TULP3: variants seen among roughly 807,000 people sequenced by gnomAD.
TULP3 encodes tubby-related protein 3.
A neutral mutation model predicts 50.7 loss-of-function variants in TULP3; 38 were observed. The ratio of observed to expected loss-of-function variants is 0.75; its 90% CI spans 0.58 to 0.98. TULP3 has a LOEUF of 0.98. TULP3 is among the 50% of genes least tolerant of loss of function. The probability of loss-of-function intolerance (pLI) is 0.00; values close to 1 mark genes in which losing one functional copy is unlikely to be tolerated. For missense variants in TULP3, 550 were observed against 568.0 expected, an observed-to-expected ratio of 0.97 and a Z score of 0.32; for synonymous variants, 183 against 196.6, an observed-to-expected ratio of 0.93 and a Z score of 0.58.
chr12:2,896,173 C>G (rs1177113111), intron 1 of TULP3, among the ~76,000 whole-genome samples: 4 of 152,146 alleles, frequency 2.6e-5, no homozygotes, highest in African/African-American at 9.7e-5. Context: ...CTCCTGACCT[C>G]AAGTGATCCA....
chr12:2,939,622 C>A lies in TULP3; in HGVS notation c.*178C>A. 8.4e-7 allele frequency: 1 copy of A among 1,197,292 alleles called. No individual in the cohort carries two copies. 74.2% of individuals were successfully genotyped at this position (1,197,292 alleles called of 1,614,324 possible). ...ATAGTTTGCCCCTTTTGGAACGACC[C>A]CTGAATATATAAAACACACACACGA... On this transcript the variant is annotated 3_prime_UTR_variant, in exon 11 of 11. Coordinates refer to ENST00000448120, the MANE Select transcript of TULP3 (RefSeq NM_003324.5). This position sits in a 1 kb window ranked among gnomAD's most constrained non-coding sequence, Gnocchi z 4.0.
chr12:2,911,104 A>C (rs373661674), intron 2 of TULP3, among the ~76,000 whole-genome samples: 2 of 151,928 alleles, frequency 1.3e-5, no homozygotes, highest in East Asian at 3.9e-4. Context: ...TTTTTTTTTA[A>C]GGTGGCCCTA....
intron 4 of TULP3, among the ~76,000 whole-genome samples, chr12:2,927,962 T>C (rs1048430535): frequency 6.6e-6 from 1 of 152,194 alleles, no homozygotes; most frequent in Non-Finnish European, 1.5e-5. Context: ...CTCCCACATA[T>C]AAATCTGAGG....
intron 2 of TULP3, among the ~76,000 whole-genome samples, chr12:2,915,557 T>TC: frequency 6.6e-6 from 1 of 151,354 alleles, no homozygotes; most frequent in African/African-American, 2.4e-5. Context: ...TTTTTTTTTT[T>TC]GAAACAGAGT....
At chr12:2,937,485 G>A (rs2098202071) in intron 8 of TULP3, 146 bp from the exon 9 acceptor site, 1 of 644,094 alleles carries the variant, frequency 1.6e-6, no homozygotes, top group Admixed American at 2.8e-5. Flanking sequence ...CCAAAGTGCT[G>A]GGATTATAGG....
intron 2 of TULP3, among the ~76,000 whole-genome samples, chr12:2,917,766 C>T (rs185526007): frequency 8.7e-5 from 13 of 148,854 alleles, no homozygotes; most frequent in Admixed American, 1.3e-4. Context: ...AGTCCCAGCT[C>T]CTCGGGAGGC....
rs921331249 is a variant in TULP3 at position 2,920,912 on chromosome 12, C to G, written c.243C>G (p.Val81=). ...LVNCHTPHSN[V]ILHGIDGPAA... is the part of the protein sequence containing the mutation. ...ACTGTCATACTCCCCACAGCAATGT[C>G]ATCTTACATGGTGTGTATTTAGGCA... Residue 81 remains valine, a synonymous_variant, in exon 3 of 11, where the codon GTC becomes GTG. Coordinates refer to ENST00000448120, the MANE Select transcript of TULP3 (RefSeq NM_003324.5). 1 of 1,614,016 alleles carries G rather than the reference C, an allele frequency of 6.2e-7. No homozygotes were observed. Among genetic ancestry groups the G allele is most frequent in the African/African-American group, 1.3e-5 (1 of 74,910 alleles).
rs57315328 is a variant in TULP3 at position 2,900,876 on chromosome 12, CT to C, written c.42-8634del. On this transcript the variant is annotated intron_variant, in intron 1 of 10. Transcript: ENST00000448120. ...AGGCATGCGCAACCAAGCCGAAATA[CT>C]TTTTTTTTTTTTTTTTTTGTAGAGA... is the stretch of plus-strand genomic sequence containing the variant. Among the ~76,000 whole-genome samples, 177 of 127,316 alleles carry C rather than the reference CT, an allele frequency of 1.4e-3. 1 individual carries two copies. The highest frequency in any genetic ancestry group is 5.0e-3 in the South Asian group (20 of 4,000). 83.5% of individuals were successfully genotyped at this position (127,316 alleles called of 152,430 possible).
At chr12:2,892,770 A>G (rs2098172929) in intron 1 of TULP3, among the ~76,000 whole-genome samples, 1 of 152,124 alleles carries the variant, frequency 6.6e-6, no homozygotes. Flanking sequence ...TCGGCCTCCC[A>G]AAGTGCTGGG....
chr12:2,929,979 C>T (rs374103818), intron 4 of TULP3, among the ~76,000 whole-genome samples: 120 of 152,274 alleles, frequency 7.9e-4, no homozygotes, highest in South Asian at 5.0e-3. Context: ...ACCATCACTA[C>T]CATCCATCTC....
chr12:2,919,942 T>G (rs2098190736), intron 2 of TULP3, among the ~76,000 whole-genome samples: 1 of 152,038 alleles, frequency 6.6e-6, no homozygotes, highest in Admixed American at 6.6e-5. Flanking sequence ...ATGCCAAACT[T>G]ACTGCCCTTT....
intron 1 of TULP3, among the ~76,000 whole-genome samples, chr12:2,909,012 A>T (rs2098183958): frequency 1.3e-5 from 2 of 152,168 alleles, no homozygotes; most frequent in Non-Finnish European, 1.5e-5. Context: ...CTAACTCCAA[A>T]AAATAAATAA....
At position 2,890,927 on chromosome 12, in the gene TULP3, G is replaced by C. The variant is rs201879864; in HGVS notation, c.-21G>C. On this transcript the variant is annotated 5_prime_UTR_variant, in exon 1 of 11. Transcript: ENST00000448120. The stretch of plus-strand genomic sequence containing the variant: ...GGCGGGGAAGAGTGTGTACGTGGTG[G>C]GGGCTTCCTCGGTGGCGGGCATGGA... The C allele has an allele frequency of 1.3e-6, 2 of 1,592,700 alleles. No individual in the cohort carries two copies. The highest frequency in any genetic ancestry group is 2.3e-5 in the East Asian group (1 of 43,132).
In TULP3 at chr12:2,939,482, C is replaced by T. The variant is rs369720702; in HGVS notation, c.*38C>T. ...GCAGGGAGCCCTTCTCCCCACAGAG[C>T]TTTCAGGAGCAGACAGTGGCCTCCC... On this transcript the variant is annotated 3_prime_UTR_variant, in exon 11 of 11. Coordinates refer to ENST00000448120, the MANE Select transcript of TULP3 (RefSeq NM_003324.5). This position sits in a 1 kb window ranked among gnomAD's most constrained non-coding sequence, Gnocchi z 4.0. 5.6e-6 allele frequency: 9 copies of T among 1,610,566 alleles called. No individual in the cohort carries two copies. In the African/African-American group the frequency reaches 1.2e-4, roughly 21 times the overall value.
intron 4 of TULP3, among the ~76,000 whole-genome samples, chr12:2,926,598 C>T (rs1366895433): frequency 6.6e-6 from 1 of 152,150 alleles, no homozygotes; most frequent in African/African-American, 2.4e-5. Context: ...CCATACTCCT[C>T]ATCCATTTCA....
At chr12:2,895,062 C>T (rs866724128) in intron 1 of TULP3, among the ~76,000 whole-genome samples, 1 of 152,214 alleles carries the variant, frequency 6.6e-6, no homozygotes, top group African/African-American at 2.4e-5. Flanking sequence ...ATTCTTTTAA[C>T]TTCTGGATTA....
intron 2 of TULP3, among the ~76,000 whole-genome samples, chr12:2,912,017 G>A (rs954145699): frequency 5.9e-5 from 9 of 151,766 alleles, no homozygotes; most frequent in African/African-American, 2.2e-4. Flanking sequence ...ATGCCAATAA[G>A]TGCTTAAGAA....
chr12:2,893,121 C>T (rs1440295038), intron 1 of TULP3, among the ~76,000 whole-genome samples: 1 of 151,940 alleles, frequency 6.6e-6, no homozygotes, highest in East Asian at 1.9e-4. Flanking sequence ...CCTCAGCCTC[C>T]AAAACTTCTG....
chr12:2,940,518 C>A lies in TULP3; in HGVS notation c.*1074C>A. ...GTATTATGTGACTCTTACACCAGTTCACCCTTCCCAGAATGTATCCAAACC... is the reference window on the plus strand; with the variant it reads ...GTATTATGTGACTCTTACACCAGTTAACCCTTCCCAGAATGTATCCAAACC... On this transcript the variant is annotated 3_prime_UTR_variant, in exon 11 of 11. Transcript: ENST00000448120. 1.3e-6 allele frequency: 2 copies of A among 1,541,520 alleles called. No homozygotes were observed. The highest frequency in any genetic ancestry group is 2.4e-5 in the South Asian group (2 of 82,680).
Sources: allele counts gnomAD v4.1 joint callset (sites outside exome capture counted in the v4.1 genomes callset), GRCh38; gene constraint gnomAD v4.1.1; non-coding constraint Gnocchi (gnomAD v3.1); transcripts MANE v1.5; gene names NCBI Gene and HGNC (gene_info 2026-07-23, HGNC 2026-07-21).